Variants in LPCAT1 observed in about 807,000 individuals in gnomAD.
LPCAT1 encodes the protein lysophosphatidylcholine acyltransferase 1.
A neutral mutation model predicts 60.9 loss-of-function variants in LPCAT1; 23 were observed. That is an observed-to-expected ratio of 0.38 (90% confidence interval 0.27 to 0.53). The LOEUF is 0.53. Among genes scored for constraint, LPCAT1 ranks in the 20% least tolerant of loss-of-function variants. The pLI, the probability that LPCAT1 is intolerant of heterozygous loss-of-function variation, is 0.82. For missense variants in LPCAT1, 622 were observed against 723.6 expected (o/e 0.86, Z 1.61); for synonymous variants, 340 against 301.1 (o/e 1.13, Z -1.34).
At chr5:1,491,684 A>T (rs1735589760) in intron 3 of LPCAT1, among the ~76,000 whole-genome samples, 1 of 152,146 alleles carries the variant, frequency 6.6e-6, no homozygotes, top group Non-Finnish European at 1.5e-5. Flanking sequence ...GGACTGGCGC[A>T]TTTTGCCAGC....
At chr5:1,517,373 G>A (rs996226216) in intron 1 of LPCAT1, among the ~76,000 whole-genome samples, 6 of 152,208 alleles carry the variant, frequency 3.9e-5, no homozygotes, top group African/African-American at 1.4e-4. Context: ...AGGTGACCTC[G>A]TGGAAGCCTA....
At chr5:1,520,687 C>T (rs1300559081) in intron 1 of LPCAT1, among the ~76,000 whole-genome samples, 1 of 151,662 alleles carries the variant, frequency 6.6e-6, no homozygotes, top group African/African-American at 2.4e-5. Flanking sequence ...GGTGAGACCC[C>T]ATCTCTACTA....
intron 9 of LPCAT1, 41 bp from the exon 10 acceptor site, chr5:1,474,726 C>T: frequency 6.3e-7 from 1 of 1,587,160 alleles, no homozygotes; most frequent in East Asian, 2.3e-5. Flanking sequence ...AGCCTCGTGG[C>T]AGCCAGTTCC....
intron 12 of LPCAT1, among the ~76,000 whole-genome samples, chr5:1,468,834 ATC>A (rs373233447): frequency 9.2e-5 from 14 of 152,280 alleles, no homozygotes; most frequent in Admixed American, 5.9e-4. Flanking sequence ...AGCTTCCTGG[ATC>A]TCTGTGTCCC....
In LPCAT1 at chr5:1,502,574, C is replaced by T. The variant is rs925311718; in HGVS notation, c.136-971G>A. 3.3e-5 allele frequency among the ~76,000 whole-genome samples: 5 copies of T among 152,184 alleles called. No homozygotes were observed. Among genetic ancestry groups the T allele is most frequent in the African/African-American group, 4.8e-5 (2 of 41,450 alleles). Reference sequence around the variant, plus strand: ...CCCACGCCAGGGAAGGCCGAGGCTGCGGGATCCCAGGCAGCCCAGGGTCTG... The same window carrying T: ...CCCACGCCAGGGAAGGCCGAGGCTGTGGGATCCCAGGCAGCCCAGGGTCTG... On this transcript the variant is annotated intron_variant, in intron 1 of 13. Coordinates refer to ENST00000283415, the MANE Select transcript of LPCAT1 (RefSeq NM_024830.5). The surrounding 1 kb of genome is among the most constrained non-coding windows in gnomAD (Gnocchi z 5.5).
rs536478392 is a variant in LPCAT1, at chr5:1,483,258, G to A, written c.726+170C>T. 3.9e-5 allele frequency among the ~76,000 whole-genome samples: 6 copies of A among 152,306 alleles called. No individual in the cohort carries two copies. Among genetic ancestry groups the A allele is most frequent in the South Asian group, 2.1e-4 (1 of 4,828 alleles). On this transcript the variant is annotated intron_variant, in intron 6 of 13. Transcript: ENST00000283415. This position sits in a 1 kb window ranked among gnomAD's most constrained non-coding sequence, Gnocchi z 9.2. ...CGTGCCGAGCCCAGGGCCCGGGCCT[G>A]TCCTGCCCTCTCCAGCGCTGAGGCC...
In LPCAT1 at chr5:1,495,316, C is replaced by T. The variant is rs548902298; in HGVS notation, c.279-402G>A. Among the ~76,000 whole-genome samples the T allele has an allele frequency of 1.2e-3, 150 of 128,616 alleles. No homozygotes were observed. The highest frequency in any genetic ancestry group is 7.7e-3 in the Middle Eastern group (2 of 260). 84.4% of individuals were successfully genotyped at this position (128,616 alleles called of 152,430 possible). On this transcript the variant is annotated intron_variant, in intron 2 of 13. Transcript: ENST00000283415. The surrounding 1 kb of genome is among the most constrained non-coding windows in gnomAD (Gnocchi z 4.7). Reference sequence around the variant, plus strand: ...GGGAAAAACATTAAAACACCTAAAACGCATATCGCAATATGGGGGGGGGGG... The same window carrying T: ...GGGAAAAACATTAAAACACCTAAAATGCATATCGCAATATGGGGGGGGGGG...
At chr5:1,492,935 G>A (rs976374021) in intron 3 of LPCAT1, among the ~76,000 whole-genome samples, 1 of 152,258 alleles carries the variant, frequency 6.6e-6, no homozygotes, top group Non-Finnish European at 1.5e-5. Context: ...AGCAGATGAC[G>A]AACGACCATG....
At chr5:1,505,390 C>T (rs543123250) in intron 1 of LPCAT1, among the ~76,000 whole-genome samples, 5 of 151,840 alleles carry the variant, frequency 3.3e-5, no homozygotes, top group African/African-American at 1.2e-4. Context: ...CCACAGAGTG[C>T]GGAATAAAAT....
At position 1,513,158 on chromosome 5, in the gene LPCAT1, C is replaced by T. The variant is rs531918360; in HGVS notation, c.135+10552G>A. Among the ~76,000 whole-genome samples the T allele has an allele frequency of 2.6e-5, 4 of 152,288 alleles. No homozygotes were observed. The South Asian group carries it at 8.3e-4, about 32-fold the overall frequency. ...CAGGCAGGTGCCGGAGCCGCTCCTC[C>T]GGTCCCCAGGCTGGCCTCCGGGTCC... On this transcript the variant is annotated intron_variant, in intron 1 of 13. Transcript: ENST00000283415.
chr5:1,479,076 C>T (rs1735029361), intron 8 of LPCAT1, among the ~76,000 whole-genome samples: 1 of 152,204 alleles, frequency 6.6e-6, no homozygotes, highest in Non-Finnish European at 1.5e-5. Flanking sequence ...AGCTACAATA[C>T]CCATAATAAT....
At position 1,472,683 on chromosome 5, in the gene LPCAT1, T is replaced by C. The variant is rs188194203; in HGVS notation, c.1179+1274A>G. Reference sequence around the variant, plus strand: ...CCATTTCACGTTTCAATTCCAACACTGTGGTAAAGCGCCTGAGTGCAAACG... The same window carrying C: ...CCATTTCACGTTTCAATTCCAACACCGTGGTAAAGCGCCTGAGTGCAAACG... On this transcript the variant is annotated intron_variant, in intron 11 of 13. Transcript: ENST00000283415. Among the ~76,000 whole-genome samples the C allele has an allele frequency of 2.8e-3, 429 of 152,196 alleles. 2 individuals are homozygous for C. Among genetic ancestry groups the C allele is most frequent in the Non-Finnish European group, 4.9e-3 (330 of 67,996 alleles).
chr5:1,489,824 G>A lies in LPCAT1; in HGVS notation c.528C>T (p.Ser176=). Residue 176 remains serine (S), a synonymous_variant, in exon 4 of 14, where the codon TCC becomes TCT. Coordinates refer to ENST00000283415, the MANE Select transcript of LPCAT1 (RefSeq NM_024830.5). ...TCCTGCGAGAATCCTGGTCTGACCGGGACACGAACACAGGCCGTATATACT... is the reference window on the plus strand; with the variant it reads ...TCCTGCGAGAATCCTGGTCTGACCGAGACACGAACACAGGCCGTATATACT... The part of the protein sequence containing the change: ...LIQYIRPVFV[S]RSDQDSRRKT... The A allele has an allele frequency of 6.2e-7, 1 of 1,614,070 alleles. No individual in the cohort carries two copies. The highest frequency in any genetic ancestry group is 8.5e-7 in the Non-Finnish European group (1 of 1,179,892).
At chr5:1,488,500 T>C (rs1298193746) in intron 4 of LPCAT1, 49 bp from the exon 5 acceptor site, 8 of 1,282,312 alleles carry the variant, frequency 6.2e-6, no homozygotes, top group Non-Finnish European at 8.8e-6. Context: ...TACATAATTA[T>C]AATTCAGAAC....
At chr5:1,470,693 G>T (rs748331736) in intron 12 of LPCAT1, 133 bp downstream of exon 12, 39 of 616,484 alleles carry the variant, frequency 6.3e-5, no homozygotes, top group Admixed American at 1.4e-4. Flanking sequence ...AGCATAAAAA[G>T]CTTACGTAAA....
At position 1,523,731 on chromosome 5, in the gene LPCAT1, G is replaced by A. The variant is rs1736747358; in HGVS notation, c.114C>T (p.Leu38=). ...CCACCTGGGCCTTCTGCAGGGCGCTGAGGCGCAGCTCGTGCACGAAGGGGT... is the reference window on the plus strand; with the variant it reads ...CCACCTGGGCCTTCTGCAGGGCGCTAAGGCGCAGCTCGTGCACGAAGGGGT... ...GRNPFVHELR[L]SALQKAQVAL... Residue 38 remains leucine, a synonymous_variant, in exon 1 of 14, where the codon CTC becomes CTT. Coordinates refer to ENST00000283415, the MANE Select transcript of LPCAT1 (RefSeq NM_024830.5). The surrounding 1 kb of genome is among the most constrained non-coding windows in gnomAD (Gnocchi z 7.1). 2 of 1,173,728 alleles carry A rather than the reference G, an allele frequency of 1.7e-6. No homozygotes were observed. Among genetic ancestry groups the A allele is most frequent in the South Asian group, 4.6e-5 (2 of 43,830 alleles). 72.7% of individuals were successfully genotyped at this position (1,173,728 alleles called of 1,614,324 possible).
intron 2 of LPCAT1, among the ~76,000 whole-genome samples, chr5:1,499,038 G>A (rs1456008566): frequency 1.3e-5 from 2 of 152,202 alleles, no homozygotes; most frequent in African/African-American, 4.8e-5. Flanking sequence ...AAACCCCAAC[G>A]TGTCACTGTC....
rs138573338 is a variant in LPCAT1 at position 1,474,606 on chromosome 5, C to T, written c.979G>A (p.Ala327Thr). Residue 327 changes from alanine to threonine, a missense_variant, in exon 10 of 14, where the codon GCT becomes ACT. Physicochemically the swap from Ala to Thr is moderately conservative, Grantham distance 58. Coordinates refer to ENST00000283415, the MANE Select transcript of LPCAT1 (RefSeq NM_024830.5). ...ALAEGQLRLP[A>T]DTCLLEFARL... ...GCAAATTCTAAAAGGCAAGTGTCAGCGGGGAGACGGAGCTGTCCTTCCGCC... is the reference window on the plus strand; with the variant it reads ...GCAAATTCTAAAAGGCAAGTGTCAGTGGGGAGACGGAGCTGTCCTTCCGCC... The T allele has an allele frequency of 6.6e-5, 107 of 1,613,844 alleles. No individual in the cohort carries two copies. The highest frequency in any genetic ancestry group is 3.3e-4 in the Middle Eastern group (2 of 6,084).
intron 7 of LPCAT1, 60 bp from the exon 8 acceptor site, chr5:1,479,735 C>T: frequency 2.3e-6 from 3 of 1,316,350 alleles, no homozygotes; most frequent in Non-Finnish European, 3.3e-6. Context: ...AAGTAAATTA[C>T]TCCCAATTCT....
Sources: allele counts gnomAD v4.1 joint callset (sites outside exome capture counted in the v4.1 genomes callset), GRCh38; gene constraint gnomAD v4.1.1; non-coding constraint Gnocchi (gnomAD v3.1); transcripts MANE v1.5; gene names NCBI Gene and HGNC (gene_info 2026-07-23, HGNC 2026-07-21).